Variants in BBX observed in about 807,000 individuals in gnomAD.
BBX encodes HMG box transcription factor BBX.
A neutral mutation model predicts 100.2 loss-of-function variants in BBX; 30 were observed. That is an observed-to-expected ratio of 0.30 (90% CI 0.22 to 0.41). The LOEUF is 0.41. Among genes scored for constraint, BBX ranks in the 10% least tolerant of loss-of-function variants. The probability of loss-of-function intolerance (pLI) is 1.00; values close to 1 mark genes in which losing one functional copy is unlikely to be tolerated. For synonymous variants in BBX, 376 were observed against 388.1 expected, an observed-to-expected ratio of 0.97 and a Z score of 0.37; for missense variants, 1,023 against 1,129.8, an observed-to-expected ratio of 0.91 and a Z score of 1.35.
chr3:107,790,595 G>A lies in BBX; in HGVS notation c.2294-645G>A, dbSNP rs145929146. 5.6e-4 allele frequency among the ~76,000 whole-genome samples: 85 copies of A among 152,276 alleles called. No homozygotes were observed. In the East Asian group the frequency reaches 0.015, roughly 28 times the overall value. On this transcript the variant is annotated intron_variant, in intron 14 of 17. Transcript: ENST00000325805. The stretch of plus-strand genomic sequence containing the variant: ...ACTCCTATTCTTATTTCACATAAAA[G>A]ATAAATCTTCCCATCTGGCTCAGTG...
intron 10 of BBX, among the ~76,000 whole-genome samples, chr3:107,763,987 T>C (rs942820983): frequency 6.6e-6 from 1 of 152,232 alleles, no homozygotes; most frequent in Non-Finnish European, 1.5e-5. Context: ...ATTGTTTTTG[T>C]TGCTGCTGCT....
chr3:107,798,872 C>T (rs1206108509), intron 16 of BBX, 152 bp downstream of exon 16: 1 of 856,650 alleles, frequency 1.2e-6, no homozygotes, highest in Non-Finnish European at 1.7e-6. Context: ...AAAACCAGGC[C>T]AGGCGCGGTG....
At position 107,526,330 on chromosome 3, in the gene BBX, A is replaced by G. The variant is rs1310380037; in HGVS notation, c.-152A>G. 5.0e-6 allele frequency: 2 copies of G among 398,524 alleles called. No homozygotes were observed. Among genetic ancestry groups the G allele is most frequent in the Non-Finnish European group, 8.8e-6 (2 of 226,092 alleles). 24.7% of individuals were successfully genotyped at this position (398,524 alleles called of 1,614,324 possible). A position where few individuals can be genotyped will look rare whatever the true frequency, so the allele number is the denominator to read the frequency against. On this transcript the variant is annotated 5_prime_UTR_variant, in exon 2 of 18. Coordinates refer to ENST00000325805, the MANE Select transcript of BBX (RefSeq NM_001142568.3). ...ACCTTTATTTGATACTTTATAGGTC[A>G]CTATCATATGACAAAGGCTTTGCCG...
At chr3:107,663,189 G>A (rs1408710631) in intron 3 of BBX, among the ~76,000 whole-genome samples, 1 of 152,096 alleles carries the variant, frequency 6.6e-6, no homozygotes, top group Non-Finnish European at 1.5e-5. Flanking sequence ...AGCTGAATAT[G>A]TGCCTTTAAA....
intron 10 of BBX, among the ~76,000 whole-genome samples, chr3:107,765,096 T>G (rs1358764899): frequency 1.3e-5 from 2 of 152,190 alleles, no homozygotes; most frequent in Non-Finnish European, 2.9e-5. Context: ...AAATGAACAC[T>G]TAGAGCAAAA....
chr3:107,565,467 A>ATTTATTTATTT (rs2050818882), intron 2 of BBX, among the ~76,000 whole-genome samples: 1 of 147,726 alleles, frequency 6.8e-6, no homozygotes, highest in African/African-American at 2.5e-5. Flanking sequence ...TTATTTATTT[A>ATTTATTTATTT]TTTATTTATT....
At chr3:107,527,912 C>G (rs2047891637) in intron 2 of BBX, among the ~76,000 whole-genome samples, 1 of 152,178 alleles carries the variant, frequency 6.6e-6, no homozygotes, top group South Asian at 2.1e-4. Context: ...CTGTTAGGCA[C>G]ATTATTTTGT....
In BBX at chr3:107,747,999, C is replaced by G; in HGVS notation, c.785C>G (p.Thr262Arg). ...SSSTSHSDAS[T>R]KQCQTSALFQ... is the part of the protein sequence containing the mutation. The stretch of plus-strand genomic sequence containing the variant: ...AGTACGTCCCACTCTGATGCTTCTA[C>G]AAAGCAGTGTCAAACATCTGCCTTG... The change falls in exon 9 of 18, where the codon ACA becomes AGA. Residue 262 changes from threonine to arginine, a missense_variant. By Grantham distance (71) the Thr-to-Arg change is moderately conservative. Around this residue, in one of 9 missense-constraint regions of BBX, gnomAD observed 95 missense variants for 95.1 expected, o/e 1.00. Coordinates refer to ENST00000325805, the MANE Select transcript of BBX (RefSeq NM_001142568.3). The G allele has an allele frequency of 6.2e-7, 1 of 1,613,578 alleles. No homozygotes were observed. Among genetic ancestry groups the G allele is most frequent in the Non-Finnish European group, 8.5e-7 (1 of 1,179,692 alleles).
chr3:107,642,254 C>T (rs2057257203), intron 2 of BBX, among the ~76,000 whole-genome samples: 1 of 152,176 alleles, frequency 6.6e-6, no homozygotes, highest in Non-Finnish European at 1.5e-5. Flanking sequence ...AATTTTTTGA[C>T]TACAAACACA....
chr3:107,563,544 TAA>T (rs1268378751), intron 2 of BBX, among the ~76,000 whole-genome samples: 2 of 152,200 alleles, frequency 1.3e-5, no homozygotes, highest in African/African-American at 2.4e-5. Context: ...TAAAATTGTA[TAA>T]AGTTTTAAAA....
intron 2 of BBX, among the ~76,000 whole-genome samples, chr3:107,582,372 A>AT (rs1455146756): frequency 6.6e-6 from 1 of 151,768 alleles, no homozygotes. Flanking sequence ...CAAAACTAAT[A>AT]TTTTTTAATA....
intron 16 of BBX, 72 bp downstream of exon 16, chr3:107,798,792 T>A: frequency 7.0e-7 from 1 of 1,428,186 alleles, no homozygotes; most frequent in Non-Finnish European, 9.8e-7. Context: ...GAAGAAGAAT[T>A]GTCTTGAGCC....
chr3:107,689,432 A>C (rs1482801819), intron 3 of BBX, among the ~76,000 whole-genome samples: 1 of 152,180 alleles, frequency 6.6e-6, no homozygotes. Flanking sequence ...TGTTTGTTCC[A>C]CTTCTGCCTC....
At chr3:107,567,528 T>C (rs665940) in intron 2 of BBX, among the ~76,000 whole-genome samples, 15,228 of 152,206 alleles carry the variant, frequency 0.1, 881 homozygotes, top group Non-Finnish European at 0.12. Context: ...TGCTTCTTGA[T>C]TACTTTTTTG....
chr3:107,742,888 G>A lies in BBX; in HGVS notation c.670-1742G>A, dbSNP rs542272951. Among the ~76,000 whole-genome samples, 91 of 152,196 alleles carry A rather than the reference G, an allele frequency of 6.0e-4. 3 individuals carry two copies. In the South Asian group the frequency reaches 0.018, roughly 31 times the overall value. The stretch of plus-strand genomic sequence containing the variant: ...TTTAAACTTTCTGACTTGATGTGTT[G>A]TCGTGGCCAAATAATCTATAAATGA... On this transcript the variant is annotated intron_variant, in intron 7 of 17. Transcript: ENST00000325805.
intron 2 of BBX, among the ~76,000 whole-genome samples, chr3:107,612,848 G>T (rs2054945620): frequency 6.6e-6 from 1 of 152,184 alleles, no homozygotes; most frequent in Non-Finnish European, 1.5e-5. Flanking sequence ...ATTCCCCCAG[G>T]CCCTGGGTGG....
chr3:107,613,110 G>A (rs1384645648), intron 2 of BBX, among the ~76,000 whole-genome samples: 1 of 151,884 alleles, frequency 6.6e-6, no homozygotes, highest in Non-Finnish European at 1.5e-5. Flanking sequence ...AGCTTGTGGT[G>A]AATGTTGCCA....
chr3:107,720,166 GT>G (rs1412429459), intron 5 of BBX, among the ~76,000 whole-genome samples: 2 of 152,026 alleles, frequency 1.3e-5, no homozygotes, highest in Non-Finnish European at 2.9e-5. Flanking sequence ...CTCTGAAGGA[GT>G]TAGTGTCTTG....
rs751643898 is a variant in BBX at position 107,774,845 on chromosome 3, A to G, written c.2042A>G (p.Asp681Gly). ...TTCAAGAAGACAAAGCCAAAAGAAG[A>G]CTGTCTCCTTGGGTAAGTGCCTGTG... ...KKFKKTKPKE[D>G]CLLGSAKLDE... Residue 681 changes from aspartate to glycine, a missense_variant, in exon 12 of 18, where the codon GAC becomes GGC. Physicochemically the swap from Asp to Gly is moderately conservative, Grantham distance 94. This residue lies in a region of BBX where 215 missense variants were observed against 211.3 expected (regional missense o/e 1.02). Transcript: ENST00000325805. The G allele has an allele frequency of 2.5e-5, 40 of 1,613,036 alleles. No homozygotes were observed. The South Asian group carries it at 4.4e-4, about 18-fold the overall frequency.
Sources: gnomAD v4.1 joint callset for allele counts (sites outside exome capture counted in the v4.1 genomes callset) on GRCh38, gnomAD v4.1.1 for gene constraint, gnomAD v4.1.1 regional missense constraint, MANE v1.5 for transcripts, NCBI Gene and HGNC (gene_info 2026-07-23, HGNC 2026-07-21) for gene names.